PCDH9: variants seen among roughly 807,000 people sequenced by gnomAD.
PCDH9 encodes protocadherin-9.
PCDH9 carries 24 observed loss-of-function variants against 70.6 expected under a neutral mutation model. That is an observed-to-expected ratio of 0.34 (90% CI 0.25 to 0.48). PCDH9 has a LOEUF of 0.48. PCDH9 is among the 20% of genes least tolerant of loss of function. The probability of loss-of-function intolerance (pLI) is 0.99; values close to 1 mark genes in which losing one functional copy is unlikely to be tolerated. For missense variants in PCDH9, 1,281 were observed against 1,503.6 expected (o/e 0.85, Z 2.45); for synonymous variants, 562 against 558.5 (o/e 1.01, Z -0.09).
chr13:66,886,206 C>T (rs2082002450), intron 3 of PCDH9: 1 of 152,142 alleles, frequency 6.6e-6, no homozygotes, highest in East Asian at 1.9e-4. Flanking sequence ...GGTCACTAAG[C>T]TCAATCTCTG....
At position 66,903,621 on chromosome 13, in the gene PCDH9, A is replaced by T; in HGVS notation, c.3037-16T>A. 1 of 1,128,542 alleles carries T rather than the reference A, an allele frequency of 8.9e-7. No homozygotes were observed. The highest frequency in any genetic ancestry group is 1.3e-6 in the Non-Finnish European group (1 of 743,962). 69.9% of individuals were successfully genotyped at this position (1,128,542 alleles called of 1,614,324 possible). ...GTGAGTTACACTGAAAGAGATTACC[A>T]AATAATTGTGACAAACTACTCCACA... is the stretch of plus-strand genomic sequence containing the variant. On this transcript the variant is annotated splice_polypyrimidine_tract_variant and intron_variant, in intron 2 of 4. Coordinates refer to ENST00000377865, the MANE Select transcript of PCDH9 (RefSeq NM_203487.3).
intron 3 of PCDH9, among the ~76,000 whole-genome samples, chr13:66,737,451 G>C (rs937870898): frequency 6.6e-6 from 1 of 152,202 alleles, no homozygotes; most frequent in Admixed American, 6.5e-5. Context: ...ATTTACTTTT[G>C]TTGAATTAAT....
At chr13:67,176,634 A>T (rs9571728) in intron 2 of PCDH9, among the ~76,000 whole-genome samples, 1 of 152,012 alleles carries the variant, frequency 6.6e-6, no homozygotes, top group Non-Finnish European at 1.5e-5. Flanking sequence ...TTTTAGACAA[A>T]GTGAAAATGA....
chr13:66,517,883 A>G (rs1000547904), intron 4 of PCDH9, among the ~76,000 whole-genome samples: 2 of 152,182 alleles, frequency 1.3e-5, no homozygotes, highest in Non-Finnish European at 2.9e-5. Flanking sequence ...GCTTGCATGA[A>G]TTAATAAATG....
chr13:66,608,468 T>C (rs914009257), intron 4 of PCDH9, among the ~76,000 whole-genome samples: 8 of 152,134 alleles, frequency 5.3e-5, no homozygotes, highest in African/African-American at 1.7e-4. Context: ...AGTTTCTTAG[T>C]TTGGTTTTAT....
chr13:66,457,045 T>C (rs1231951105), intron 4 of PCDH9, among the ~76,000 whole-genome samples: 1 of 152,082 alleles, frequency 6.6e-6, no homozygotes, highest in Admixed American at 6.6e-5. Context: ...TTATTTCATG[T>C]TTTCTAGAGG....
At position 66,603,708 on chromosome 13, in the gene PCDH9, T is replaced by A. The variant is rs574190023; in HGVS notation, c.3340+27502A>T. 4.6e-5 allele frequency among the ~76,000 whole-genome samples: 7 copies of A among 152,144 alleles called. No homozygotes were observed. In the East Asian group the frequency reaches 1.4e-3, roughly 29 times the overall value. On this transcript the variant is annotated intron_variant, in intron 4 of 4. Transcript: ENST00000377865. ...TAAGAATTTTTTTTAAAGTATGGCA[T>A]GTATCTGGTGCCCCAAATAGTTTCT...
intron 4 of PCDH9, among the ~76,000 whole-genome samples, chr13:66,499,908 G>A (rs889517234): frequency 4.6e-5 from 7 of 152,072 alleles, no homozygotes; most frequent in Non-Finnish European, 8.8e-5. Context: ...TCCCTTTCTC[G>A]TTATGTGGCA....
chr13:66,423,325 G>A (rs570898079), intron 4 of PCDH9, among the ~76,000 whole-genome samples: 1 of 151,678 alleles, frequency 6.6e-6, no homozygotes, highest in Non-Finnish European at 1.5e-5. Context: ...CATTTTATGA[G>A]GCCAGCATCA....
intron 2 of PCDH9, among the ~76,000 whole-genome samples, chr13:66,993,338 T>A (rs1225171325): frequency 1.3e-5 from 2 of 152,222 alleles, no homozygotes; most frequent in Non-Finnish European, 2.9e-5. Flanking sequence ...AAACGTGACA[T>A]CAATAATTCT....
intron 3 of PCDH9, among the ~76,000 whole-genome samples, chr13:66,778,290 A>T (rs927037358): frequency 6.6e-6 from 1 of 152,102 alleles, no homozygotes; most frequent in African/African-American, 2.4e-5. Context: ...AATAATAATA[A>T]TAATAAAAAT....
intron 2 of PCDH9, among the ~76,000 whole-genome samples, chr13:67,005,039 G>A: frequency 6.6e-6 from 1 of 151,908 alleles, no homozygotes; most frequent in East Asian, 1.9e-4. Flanking sequence ...TAAAACTTAA[G>A]TCTCCTTTGT....
chr13:66,933,921 C>CA (rs1566302905), intron 2 of PCDH9, among the ~76,000 whole-genome samples: 1 of 144,474 alleles, frequency 6.9e-6, no homozygotes, highest in Non-Finnish European at 1.5e-5. Flanking sequence ...GGCGGGGGGG[C>CA]AAAAAAGAAA....
At chr13:66,639,274 G>C (rs1181563115) in intron 3 of PCDH9, among the ~76,000 whole-genome samples, 1 of 152,156 alleles carries the variant, frequency 6.6e-6, no homozygotes, top group African/African-American at 2.4e-5. Flanking sequence ...GCTTAGTTGT[G>C]GAGACTTGTT....
intron 3 of PCDH9, among the ~76,000 whole-genome samples, chr13:66,758,409 A>G (rs930025293): frequency 2.1e-4 from 32 of 152,048 alleles, no homozygotes; most frequent in Admixed American, 2.1e-3. Flanking sequence ...CTAGGAGATT[A>G]ACATTTTTAA....
intron 4 of PCDH9, among the ~76,000 whole-genome samples, chr13:66,490,256 G>A (rs1342426600): frequency 6.6e-6 from 1 of 152,162 alleles, no homozygotes; most frequent in Non-Finnish European, 1.5e-5. Context: ...GTGCCATTAA[G>A]GCCTCCTGAG....
At chr13:66,459,143 C>T (rs879302874) in intron 4 of PCDH9, among the ~76,000 whole-genome samples, 15 of 152,022 alleles carry the variant, frequency 9.9e-5, no homozygotes, top group African/African-American at 3.4e-4. Context: ...TTCCAGGGTC[C>T]TGATGTTTCA....
rs187269413 is a variant in PCDH9, at chr13:66,966,474, C to T, written c.3037-62869G>A. Among the ~76,000 whole-genome samples the T allele has an allele frequency of 7.2e-5, 11 of 152,086 alleles. No individual in the cohort carries two copies. The East Asian group carries it at 1.9e-3, about 27-fold the overall frequency. Reference sequence around the variant, plus strand: ...GCGTCTGTAATGATAGACCCTCAGTCGAGGCTGCCAATAAGGAGGATGTTC... The same window carrying T: ...GCGTCTGTAATGATAGACCCTCAGTTGAGGCTGCCAATAAGGAGGATGTTC... On this transcript the variant is annotated intron_variant, in intron 2 of 4. Transcript: ENST00000377865.
At chr13:67,206,590 GC>G (rs1446670990) in intron 2 of PCDH9, 4 of 152,148 alleles carry the variant, frequency 2.6e-5, no homozygotes, top group African/African-American at 9.7e-5. Context: ...CTAGGAAAAT[GC>G]TAAAATTGTA....
Sources: allele counts gnomAD v4.1 joint callset (sites outside exome capture counted in the v4.1 genomes callset), GRCh38; gene constraint gnomAD v4.1.1; transcripts MANE v1.5; gene names NCBI Gene and HGNC (gene_info 2026-07-23, HGNC 2026-07-21).